Variants in CSNK1G3 observed in about 807,000 individuals in gnomAD.
CSNK1G3 encodes the protein casein kinase I isoform gamma-3.
A neutral mutation model predicts 64.3 loss-of-function variants in CSNK1G3; 23 were observed. The ratio of observed to expected loss-of-function variants is 0.36; its 90% CI spans 0.26 to 0.51. The LOEUF (loss-of-function observed/expected upper bound fraction) is 0.51, where lower values mean the gene tolerates loss of function less well. Among genes scored for constraint, CSNK1G3 ranks in the 20% least tolerant of loss-of-function variants. The pLI, the probability that CSNK1G3 is intolerant of heterozygous loss-of-function variation, is 0.96. For missense variants in CSNK1G3, 357 were observed against 510.5 expected (o/e 0.70, Z 2.90); for synonymous variants, 158 against 162.2 (o/e 0.97, Z 0.20).
At chr5:123,582,059 G>A (rs932655604) in intron 6 of CSNK1G3, among the ~76,000 whole-genome samples, 1 of 151,992 alleles carries the variant, frequency 6.6e-6, no homozygotes, top group African/African-American at 2.4e-5. Flanking sequence ...ATGTATCATA[G>A]AAAACTTCCT....
chr5:123,590,601 G>C (rs751339983), intron 9 of CSNK1G3, 43 bp downstream of exon 9: 1 of 1,233,344 alleles, frequency 8.1e-7, no homozygotes, highest in South Asian at 1.7e-5. Flanking sequence ...AGTATCTGTT[G>C]CCTTTTTAAT....
chr5:123,528,766 G>T (rs528652491), intron 1 of CSNK1G3, among the ~76,000 whole-genome samples: 2 of 152,232 alleles, frequency 1.3e-5, no homozygotes, highest in Admixed American at 6.5e-5. Flanking sequence ...CTTTTTAAGA[G>T]AAAATCCCCC....
intron 1 of CSNK1G3, among the ~76,000 whole-genome samples, chr5:123,535,737 C>G (rs910489086): frequency 6.6e-6 from 1 of 152,046 alleles, no homozygotes; most frequent in African/African-American, 2.4e-5. Flanking sequence ...TCACTGATTT[C>G]TTGTCATGTA....
intron 1 of CSNK1G3, among the ~76,000 whole-genome samples, chr5:123,517,828 A>G (rs1355577394): frequency 6.6e-6 from 1 of 152,064 alleles, no homozygotes; most frequent in Non-Finnish European, 1.5e-5. Context: ...TAACTTCAGA[A>G]CCATTTATTA....
At chr5:123,609,772 T>C (rs1795998147) in intron 12 of CSNK1G3, among the ~76,000 whole-genome samples, 1 of 152,128 alleles carries the variant, frequency 6.6e-6, no homozygotes, top group Non-Finnish European at 1.5e-5. Context: ...ATAGGCCACC[T>C]GGGAAGGAAG....
intron 6 of CSNK1G3, among the ~76,000 whole-genome samples, chr5:123,581,360 G>GTTTTTTTT (rs10612602): frequency 3.7e-5 from 3 of 81,600 alleles, no homozygotes; most frequent in African/African-American, 5.1e-5. Flanking sequence ...TTTTGGGTTT[G>GTTTTTTTT]TTTTTTTTTT....
chr5:123,612,091 G>C (rs990406782), intron 12 of CSNK1G3, among the ~76,000 whole-genome samples: 1 of 152,118 alleles, frequency 6.6e-6, no homozygotes, highest in African/African-American at 2.4e-5. Context: ...ATCCATTTCA[G>C]TTCTTTCTGC....
intron 8 of CSNK1G3, among the ~76,000 whole-genome samples, chr5:123,589,101 G>GA (rs1457448335): frequency 3.3e-5 from 5 of 152,104 alleles, no homozygotes; most frequent in African/African-American, 4.8e-5. Flanking sequence ...AGTATATTAA[G>GA]ATAATGACTG....
At chr5:123,534,419 T>C (rs1298409561) in intron 1 of CSNK1G3, among the ~76,000 whole-genome samples, 1 of 152,076 alleles carries the variant, frequency 6.6e-6, no homozygotes, top group Non-Finnish European at 1.5e-5. Flanking sequence ...TGGAGCAGGA[T>C]ACAAAGCTTG....
intron 1 of CSNK1G3, among the ~76,000 whole-genome samples, chr5:123,537,938 A>T (rs1781105957): frequency 6.6e-6 from 1 of 152,316 alleles, no homozygotes; most frequent in Admixed American, 6.5e-5. Context: ...TGTAATAGGT[A>T]ATTGTTTATG....
chr5:123,525,458 G>A (rs1188011263), intron 1 of CSNK1G3, among the ~76,000 whole-genome samples: 1 of 151,914 alleles, frequency 6.6e-6, no homozygotes, highest in Non-Finnish European at 1.5e-5. Flanking sequence ...TTATAGGCGT[G>A]TGCCACCACG....
At chr5:123,525,473 G>A (rs182041923) in intron 1 of CSNK1G3, among the ~76,000 whole-genome samples, 89 of 151,998 alleles carry the variant, frequency 5.9e-4, no homozygotes, top group Non-Finnish European at 1.1e-3. Context: ...ACCACGCCCC[G>A]CTAGTTTTTG....
exon 13 of CSNK1G3, chr5:123,615,003 A>G (rs1458388750): frequency 2.6e-5 from 4 of 152,656 alleles, no homozygotes; most frequent in African/African-American, 7.2e-5. Flanking sequence ...GGAAAAAGCA[A>G]TATGGGTTCG....
intron 6 of CSNK1G3, among the ~76,000 whole-genome samples, chr5:123,582,045 A>G (rs1010786621): frequency 1.3e-5 from 2 of 152,044 alleles, no homozygotes; most frequent in Admixed American, 6.6e-5. Flanking sequence ...TTGCAAATAT[A>G]TGCATGTATC....
At chr5:123,553,996 A>G (rs1203533691) in intron 3 of CSNK1G3, among the ~76,000 whole-genome samples, 6 of 152,166 alleles carry the variant, frequency 3.9e-5, no homozygotes, top group South Asian at 2.1e-4. Context: ...GCCTTTTTCA[A>G]CCTTGTCTCT....
Position 123,519,485 on chromosome 5 carries a change from C to T in CSNK1G3, c.-248+6915C>T, listed in dbSNP as rs1214166270. Among the ~76,000 whole-genome samples the T allele has an allele frequency of 3.3e-5, 5 of 152,180 alleles. No individual in the cohort carries two copies. The South Asian group carries it at 6.2e-4, about 19-fold the overall frequency. On this transcript the variant is annotated intron_variant, in intron 1 of 12. Transcript: ENST00000345990. ...AAACTCATGAAGCCATTTAATTTTACATTAAAATTTTTTCCTATAAACTTG... is the reference window on the plus strand; with the variant it reads ...AAACTCATGAAGCCATTTAATTTTATATTAAAATTTTTTCCTATAAACTTG...
intron 1 of CSNK1G3, among the ~76,000 whole-genome samples, chr5:123,514,538 C>T (rs1776799617): frequency 6.6e-6 from 1 of 152,120 alleles, no homozygotes; most frequent in Admixed American, 6.5e-5. Flanking sequence ...GAGAAGCAGA[C>T]ATACACAGAG....
chr5:123,551,976 A>G (rs911656321), intron 2 of CSNK1G3, among the ~76,000 whole-genome samples: 1 of 152,174 alleles, frequency 6.6e-6, no homozygotes, highest in Non-Finnish European at 1.5e-5. Context: ...TTAGTACTCT[A>G]CTTTGACTAC....
intron 2 of CSNK1G3, among the ~76,000 whole-genome samples, chr5:123,549,423 T>C (rs1287911566): frequency 6.6e-6 from 1 of 152,194 alleles, no homozygotes; most frequent in Non-Finnish European, 1.5e-5. Flanking sequence ...AGCATGCCTA[T>C]GATATGTGCT....
Sources: allele counts gnomAD v4.1 joint callset (sites outside exome capture counted in the v4.1 genomes callset), GRCh38; gene constraint gnomAD v4.1.1; transcripts MANE v1.5; gene names NCBI Gene and HGNC (gene_info 2026-07-23, HGNC 2026-07-21).